KCNB2: variants seen among roughly 807,000 people sequenced by gnomAD.
KCNB2 encodes the protein potassium voltage-gated channel subfamily B member 2.
A neutral mutation model predicts 61.5 loss-of-function variants in KCNB2; 15 were observed. The observed-to-expected ratio is 0.24, with a 90% confidence interval of 0.16 to 0.38. KCNB2 has a LOEUF of 0.38. Among genes scored for constraint, KCNB2 ranks in the 10% least tolerant of loss-of-function variants. KCNB2 has a pLI of 1.00. For synonymous variants in KCNB2, 457 were observed against 446.0 expected, an observed-to-expected ratio of 1.02 and a Z score of -0.31; for missense variants, 828 against 1,125.2, an observed-to-expected ratio of 0.74 and a Z score of 3.78.
At chr8:72,627,660 C>A (rs1000794167) in intron 2 of KCNB2, among the ~76,000 whole-genome samples, 1 of 152,148 alleles carries the variant, frequency 6.6e-6, no homozygotes, top group African/African-American at 2.4e-5. Context: ...AGGCTCACAC[C>A]TCAAACATCT....
At chr8:72,631,314 T>C (rs1805877915) in intron 2 of KCNB2, among the ~76,000 whole-genome samples, 1 of 152,148 alleles carries the variant, frequency 6.6e-6, no homozygotes, top group Non-Finnish European at 1.5e-5. Flanking sequence ...GATCAAGGTG[T>C]TGGCAGGGTT....
Position 72,891,797 on chromosome 8 carries a change from C to T in KCNB2, c.580-44138C>T, listed in dbSNP as rs1314903155. 6.6e-5 allele frequency among the ~76,000 whole-genome samples: 10 copies of T among 152,132 alleles called. 1 individual carries two copies. The highest frequency in any genetic ancestry group is 6.5e-4 in the Admixed American group (10 of 15,274). On this transcript the variant is annotated intron_variant, in intron 2 of 2. Transcript: ENST00000523207. The stretch of plus-strand genomic sequence containing the variant: ...AAAGGGATGCTTTGGCCAAAAGTAC[C>T]TAGAGATTTTTTTTCCTTTTAAATT...
chr8:72,936,482 C>G lies in KCNB2; in HGVS notation c.1127C>G (p.Thr376Ser). The G allele has an allele frequency of 6.2e-7, 1 of 1,614,184 alleles. No individual in the cohort carries two copies. Among genetic ancestry groups the G allele is most frequent in the Non-Finnish European group, 8.5e-7 (1 of 1,180,016 alleles). The change falls in exon 3 of 3, where the codon ACC becomes AGC. Residue 376 changes from threonine to serine, a missense_variant. By Grantham distance (58) the Thr-to-Ser change is moderately conservative. Coordinates refer to ENST00000523207, the MANE Select transcript of KCNB2 (RefSeq NM_004770.3). The surrounding 1 kb of genome is among the most constrained non-coding windows in gnomAD (Gnocchi z 5.6). Reference protein sequence around the residue: ...TSIPASFWWATITMTTVGYGD... With the variant: ...TSIPASFWWASITMTTVGYGD... ...ATCCCTGCATCATTTTGGTGGGCCA[C>G]CATCACCATGACCACTGTTGGCTAT...
At chr8:72,900,386 A>C (rs933106504) in intron 2 of KCNB2, among the ~76,000 whole-genome samples, 1 of 152,196 alleles carries the variant, frequency 6.6e-6, no homozygotes, top group African/African-American at 2.4e-5. Flanking sequence ...CTCAAACAAT[A>C]AAAATCCTAA....
intron 1 of KCNB2, among the ~76,000 whole-genome samples, chr8:72,561,741 A>ATGTG (rs1563523454): frequency 0.041 from 1,107 of 26,698 alleles, 127 homozygotes; most frequent in Admixed American, 0.072. Context: ...ATATCTATAT[A>ATGTG]TATATGTATA....
chr8:72,851,974 G>A (rs780416214), intron 2 of KCNB2, among the ~76,000 whole-genome samples: 1 of 152,020 alleles, frequency 6.6e-6, no homozygotes, highest in Non-Finnish European at 1.5e-5. Flanking sequence ...GGTGCCCCGT[G>A]CCTGTAATTC....
chr8:72,790,293 C>T (rs1292245017), intron 2 of KCNB2, among the ~76,000 whole-genome samples: 2 of 152,088 alleles, frequency 1.3e-5, no homozygotes, highest in Non-Finnish European at 2.9e-5. Flanking sequence ...GGTCAGCACC[C>T]AGAGGAACTC....
intron 2 of KCNB2, among the ~76,000 whole-genome samples, chr8:72,810,398 C>A (rs1200113345): frequency 6.6e-6 from 1 of 152,222 alleles, no homozygotes; most frequent in East Asian, 1.9e-4. Flanking sequence ...GGAAAGGAAT[C>A]CAAAACAATC....
At chr8:72,708,279 T>C (rs546125937) in intron 2 of KCNB2, among the ~76,000 whole-genome samples, 5 of 150,412 alleles carry the variant, frequency 3.3e-5, no homozygotes, top group East Asian at 3.9e-4. Flanking sequence ...TGGCTTCTTA[T>C]GAGAATTTGT....
At chr8:72,773,082 A>G (rs931108367) in intron 2 of KCNB2, among the ~76,000 whole-genome samples, 1 of 152,146 alleles carries the variant, frequency 6.6e-6, no homozygotes, top group African/African-American at 2.4e-5. Flanking sequence ...CATCCTCTCA[A>G]TTGGCCAGAA....
At chr8:72,591,749 T>C (rs1317199334) in intron 2 of KCNB2, among the ~76,000 whole-genome samples, 1 of 152,122 alleles carries the variant, frequency 6.6e-6, no homozygotes, top group African/African-American at 2.4e-5. Flanking sequence ...ATTGAAGATA[T>C]TGTCATATCT....
intron 2 of KCNB2, among the ~76,000 whole-genome samples, chr8:72,838,538 T>C (rs971245554): frequency 6.6e-6 from 1 of 152,238 alleles, no homozygotes; most frequent in African/African-American, 2.4e-5. Context: ...TGGTTCCAAG[T>C]CTTTGCTATT....
At chr8:72,754,033 A>G (rs1380185052) in intron 2 of KCNB2, among the ~76,000 whole-genome samples, 1 of 152,162 alleles carries the variant, frequency 6.6e-6, no homozygotes, top group Non-Finnish European at 1.5e-5. Context: ...TCCCTGGGAA[A>G]GTACAAAGAC....
At chr8:72,923,858 C>T (rs2981093) in intron 2 of KCNB2, among the ~76,000 whole-genome samples, 94,601 of 152,074 alleles carry the variant, frequency 0.62, 31,219 homozygotes, top group African/African-American at 0.8. Flanking sequence ...GTTCATTTAT[C>T]TTAAAAATGT....
At chr8:72,591,098 T>C (rs747100654) in intron 2 of KCNB2, among the ~76,000 whole-genome samples, 1 of 150,540 alleles carries the variant, frequency 6.6e-6, no homozygotes, top group Non-Finnish European at 1.5e-5. Context: ...GAGACACCTT[T>C]TGTTCAGTCA....
chr8:72,541,392 G>T (rs1443057930), intron 1 of KCNB2, among the ~76,000 whole-genome samples: 1 of 152,016 alleles, frequency 6.6e-6, no homozygotes, highest in Non-Finnish European at 1.5e-5. Context: ...TTATTATATA[G>T]ATATGAAAAC....
chr8:72,567,516 A>G (rs1806642176), intron 1 of KCNB2, 126 bp from the exon 2 acceptor site: 3 of 486,390 alleles, frequency 6.2e-6, no homozygotes, highest in Non-Finnish European at 7.2e-6. Context: ...AGACATTAAT[A>G]TTGTACCTTC....
At chr8:72,932,370 G>A (rs998622629) in intron 2 of KCNB2, among the ~76,000 whole-genome samples, 3 of 152,140 alleles carry the variant, frequency 2.0e-5, no homozygotes, top group African/African-American at 7.2e-5. Flanking sequence ...ACCTTCCTCT[G>A]GAGCCTCAGT....
intron 2 of KCNB2, among the ~76,000 whole-genome samples, chr8:72,629,331 A>G (rs1805843159): frequency 1.3e-5 from 2 of 152,186 alleles, no homozygotes. Context: ...TCCATCAGTC[A>G]GGTAAGCTCG....
Sources: allele counts gnomAD v4.1 joint callset (sites outside exome capture counted in the v4.1 genomes callset), GRCh38; gene constraint gnomAD v4.1.1; non-coding constraint Gnocchi (gnomAD v3.1); transcripts MANE v1.5; gene names NCBI Gene and HGNC (gene_info 2026-07-23, HGNC 2026-07-21).